Variants in PCDHGA1 observed in about 807,000 individuals in gnomAD.
The protein encoded by PCDHGA1 is protocadherin gamma subfamily A, 1.
In PCDHGA1, 32 loss-of-function variants were observed where a neutral mutation model predicts 58.0. The observed-to-expected ratio is 0.55, with a 90% CI of 0.42 to 0.74. The LOEUF is 0.74. Among genes scored for constraint, PCDHGA1 ranks in the 30% least tolerant of loss-of-function variants. The pLI, the probability that PCDHGA1 is intolerant of heterozygous loss-of-function variation, is 0.00. For missense variants in PCDHGA1, 1,205 were observed against 1,182.3 expected (o/e 1.02, Z -0.28); for synonymous variants, 498 against 501.1 (o/e 0.99, Z 0.08).
intron 1 of PCDHGA1, chr5:141,364,607 G>A (rs775025025): frequency 6.2e-7 from 1 of 1,614,080 alleles, no homozygotes; most frequent in African/African-American, 1.3e-5. Context: ...GATAGACCGG[G>A]AGGAGCTCTG....
chr5:141,453,302 T>C (rs189741118), intron 1 of PCDHGA1, among the ~76,000 whole-genome samples: 18 of 152,008 alleles, frequency 1.2e-4, no homozygotes, highest in Middle Eastern at 6.8e-3. Flanking sequence ...TTTATTTATT[T>C]ATTTATTTAT....
rs151293422 is a variant in PCDHGA1, at chr5:141,487,556, A to G, written c.2422-7251A>G. ...GATGGTGAAGTCACCCAGTGCACCT[A>G]TGGCAGGGGAGCCTGTTCGCCCAAG... On this transcript the variant is annotated intron_variant, in intron 1 of 3. Coordinates refer to ENST00000517417, the MANE Select transcript of PCDHGA1 (RefSeq NM_018912.3). This position sits in a 1 kb window ranked among gnomAD's most constrained non-coding sequence, Gnocchi z 5.0. 2,837 of 1,614,100 alleles carry G rather than the reference A, an allele frequency of 1.8e-3. 31 individuals are homozygous for G. The highest frequency in any genetic ancestry group is 1.2e-3 in the South Asian group (105 of 91,084).
chr5:141,352,450 G>A, intron 1 of PCDHGA1: 1 of 1,614,036 alleles, frequency 6.2e-7, no homozygotes, highest in Non-Finnish European at 8.5e-7. Context: ...TCTGCTCCAA[G>A]TCTGGGCCCG....
rs773157241 is a variant in PCDHGA1, at chr5:141,370,760, G to A, written c.2421+37655G>A. 7 of 1,613,862 alleles carry A rather than the reference G, an allele frequency of 4.3e-6. No individual in the cohort carries two copies. The Admixed American group carries it at 1.2e-4, about 27-fold the overall frequency. On this transcript the variant is annotated intron_variant, in intron 1 of 3. Coordinates refer to ENST00000517417, the MANE Select transcript of PCDHGA1 (RefSeq NM_018912.3). ...TAAACTTTTTTCATGTAACTGTGCT[G>A]ATCCAGGATATTAACGACAACCCAC...
intron 1 of PCDHGA1, chr5:141,375,677 G>A (rs1171088976): frequency 1.2e-6 from 2 of 1,614,236 alleles, no homozygotes; most frequent in South Asian, 1.1e-5. Context: ...ACAGCTGTGG[G>A]TGACAGCCAG....
At position 141,419,228 on chromosome 5, in the gene PCDHGA1, T is replaced by G. The variant is rs761014077; in HGVS notation, c.2422-75579T>G. The G allele has an allele frequency of 2.5e-6, 4 of 1,613,874 alleles. No individual in the cohort carries two copies. The East Asian group carries it at 8.9e-5, about 36-fold the overall frequency. On this transcript the variant is annotated intron_variant, in intron 1 of 3. Coordinates refer to ENST00000517417, the MANE Select transcript of PCDHGA1 (RefSeq NM_018912.3). Reference sequence around the variant, plus strand: ...CGCGCCGGTTTTCGGACAGTCAGCCTACCTGGTCCACGTGCCAGAAAACAA... The same window carrying G: ...CGCGCCGGTTTTCGGACAGTCAGCCGACCTGGTCCACGTGCCAGAAAACAA...
At chr5:141,361,609 G>C in intron 1 of PCDHGA1, 2 of 1,613,956 alleles carry the variant, frequency 1.2e-6, no homozygotes, top group Middle Eastern at 1.6e-4. Flanking sequence ...CTACTCCATC[G>C]TAGCGAGCGA....
chr5:141,332,278 G>C lies in PCDHGA1; in HGVS notation c.1594G>C (p.Val532Leu). The part of the protein sequence containing the change: ...YEQFRDMQLK[V>L]MARDSGDPPL... ...GCAGTTCCGGGACATGCAACTGAAA[G>C]TGATGGCGCGGGACAGTGGGGATCC... The change falls in exon 1 of 4, where the codon GTG becomes CTG. Residue 532 changes from valine (V) to leucine (L), a missense_variant. Transcript: ENST00000517417. This position sits in a 1 kb window ranked among gnomAD's most constrained non-coding sequence, Gnocchi z 4.6. The C allele has an allele frequency of 6.2e-7, 1 of 1,614,260 alleles. No homozygotes were observed. The highest frequency in any genetic ancestry group is 8.5e-7 in the Non-Finnish European group (1 of 1,180,052).
At chr5:141,425,745 G>A (rs776065455) in intron 1 of PCDHGA1, among the ~76,000 whole-genome samples, 26 of 152,100 alleles carry the variant, frequency 1.7e-4, no homozygotes, top group Non-Finnish European at 2.9e-4. Flanking sequence ...TTCCCACAAG[G>A]TTTTTGTTCT....
intron 1 of PCDHGA1, chr5:141,357,170 C>G: frequency 6.2e-7 from 1 of 1,613,716 alleles, no homozygotes; most frequent in South Asian, 1.1e-5. Context: ...CTCTCGGCCA[C>G]CGTCACACTC....
intron 1 of PCDHGA1, chr5:141,403,482 A>G (rs764737675): frequency 5.0e-6 from 8 of 1,613,774 alleles, no homozygotes; most frequent in Non-Finnish European, 6.8e-6. Context: ...CCCAATCACC[A>G]CTTCTCCCTG....
chr5:141,375,826 C>T (rs1771941269), intron 1 of PCDHGA1: 2 of 1,614,166 alleles, frequency 1.2e-6, no homozygotes, highest in South Asian at 1.1e-5. Context: ...CGCCCCGCTC[C>T]GCAGAGCCCG....
chr5:141,405,407 C>CT lies in PCDHGA1; in HGVS notation c.2421+72309dup, dbSNP rs762612492. 13 of 1,582,050 alleles carry CT rather than the reference C, an allele frequency of 8.2e-6. No individual in the cohort carries two copies. In the East Asian group the frequency reaches 1.6e-4, roughly 19 times the overall value. On this transcript the variant is annotated intron_variant, in intron 1 of 3. Transcript: ENST00000517417. Reference sequence around the variant, plus strand: ...TTCATTTTTTTTCTTTCTTTCTTTTCTTTTTTTGTTTTTTGTTTTGTTTTG... The same window carrying CT: ...TTCATTTTTTTTCTTTCTTTCTTTTCTTTTTTTTGTTTTTTGTTTTGTTTTG...
chr5:141,372,219 G>C, intron 1 of PCDHGA1: 5 of 1,613,542 alleles, frequency 3.1e-6, no homozygotes, highest in Non-Finnish European at 4.2e-6. Flanking sequence ...CTACCACATT[G>C]TGCAGGCCAG....
intron 1 of PCDHGA1, chr5:141,428,461 G>A: frequency 2.8e-6 from 1 of 352,014 alleles, no homozygotes; most frequent in South Asian, 2.8e-5. Flanking sequence ...CAACTACAAT[G>A]AGGGAACTTT....
At position 141,487,769 on chromosome 5, in the gene PCDHGA1, T is replaced by C. The variant is rs775270506; in HGVS notation, c.2422-7038T>C. Reference sequence around the variant, plus strand: ...TAACTATGTGGTAGACGCTGTGCTTTGTAACTGTTTCGTGAATTAACCAGA... The same window carrying C: ...TAACTATGTGGTAGACGCTGTGCTTCGTAACTGTTTCGTGAATTAACCAGA... On this transcript the variant is annotated intron_variant, in intron 1 of 3. Transcript: ENST00000517417. The surrounding 1 kb of genome is among the most constrained non-coding windows in gnomAD (Gnocchi z 5.0). 8 of 1,538,288 alleles carry C rather than the reference T, an allele frequency of 5.2e-6. No homozygotes were observed. The highest frequency in any genetic ancestry group is 1.2e-5 in the South Asian group (1 of 82,608).
chr5:141,333,236 T>C (rs1171103302), intron 1 of PCDHGA1, 131 bp downstream of exon 1: 6 of 1,352,192 alleles, frequency 4.4e-6, no homozygotes, highest in Non-Finnish European at 6.1e-6. Context: ...TTACAAGTCC[T>C]GCAAAATCAC....
At chr5:141,488,546 G>A (rs2099676755) in intron 1 of PCDHGA1, among the ~76,000 whole-genome samples, 1 of 152,188 alleles carries the variant, frequency 6.6e-6, no homozygotes, top group African/African-American at 2.4e-5. Context: ...TCCCATGTCA[G>A]CTGACATTGA....
At chr5:141,398,949 C>T (rs749860900) in intron 1 of PCDHGA1, 1 of 1,613,948 alleles carries the variant, frequency 6.2e-7, no homozygotes, top group Non-Finnish European at 8.5e-7. Flanking sequence ...AGGGCATCAA[C>T]TCAGAAATTA....
Sources: gnomAD v4.1 joint callset for allele counts (sites outside exome capture counted in the v4.1 genomes callset) on GRCh38, gnomAD v4.1.1 for gene constraint, Gnocchi (gnomAD v3.1) non-coding constraint, MANE v1.5 for transcripts, NCBI Gene and HGNC (gene_info 2026-07-23, HGNC 2026-07-21) for gene names.